The following DUSP22 variants were observed in gnomAD, a reference collection of about 807,000 sequenced individuals.
DUSP22 encodes dual specificity phosphatase 22, also known as dual specificity protein phosphatase 22.
DUSP22 carries 24 observed loss-of-function variants against 24.5 expected under a neutral mutation model. That is an observed-to-expected ratio of 0.98 (90% CI 0.71 to 1.38). DUSP22 has a LOEUF of 1.38. Ranked by LOEUF, DUSP22 falls within the 40% of genes most tolerant of loss-of-function variation. The probability of loss-of-function intolerance (pLI) is 0.00; values close to 1 mark genes in which losing one functional copy is unlikely to be tolerated. For missense variants in DUSP22, 330 were observed against 269.2 expected (o/e 1.23, Z -1.58); for synonymous variants, 160 against 106.4 (o/e 1.50, Z -3.10).
chr6:340,042 G>A (rs959663229), intron 4 of DUSP22, among the ~76,000 whole-genome samples: 4 of 152,414 alleles, frequency 2.6e-5, no homozygotes, highest in Admixed American at 2.0e-4. Flanking sequence ...AAGAACTATC[G>A]TTTAGTCTTA....
Position 348,805 on chromosome 6 carries a change from C to G in DUSP22, c.472C>G (p.Pro158Ala). 6.2e-7 allele frequency: 1 copy of G among 1,614,318 alleles called. No homozygotes were observed. The highest frequency in any genetic ancestry group is 8.5e-7 in the Non-Finnish European group (1 of 1,180,060). ...QWLKEEYGES[P>A]LQDAEEAKNI... ...GCTGAAGGAAGAATATGGAGAGAGC[C>G]CTTTGCAGGATGCAGAAGAAGCCAA... The change falls in exon 7 of 7, where the codon CCT (proline) becomes GCT (alanine). Residue 158 changes from proline (P) to alanine (A), a missense_variant. By Grantham distance (27) the Pro-to-Ala change is conservative. Coordinates refer to ENST00000419235, the MANE Select transcript of DUSP22 (RefSeq NM_001286555.3).
At chr6:331,459 C>CT (rs568957060) in intron 3 of DUSP22, among the ~76,000 whole-genome samples, 569 of 152,176 alleles carry the variant, frequency 3.7e-3, no homozygotes, top group Non-Finnish European at 6.2e-3. Context: ...GTTTGTTATA[C>CT]TTTCCATAAT....
intron 3 of DUSP22, among the ~76,000 whole-genome samples, chr6:332,336 C>G (rs1258483041): frequency 6.6e-6 from 1 of 152,306 alleles, no homozygotes; most frequent in Non-Finnish European, 1.5e-5. Context: ...TCCACACGCC[C>G]ACCCCAGCGA....
chr6:334,806 G>T (rs1328740531), intron 3 of DUSP22, among the ~76,000 whole-genome samples: 1 of 152,298 alleles, frequency 6.6e-6, no homozygotes, highest in African/African-American at 2.4e-5. Context: ...TGAGATGCTG[G>T]TTTTGAAAGT....
intron 5 of DUSP22, 38 bp downstream of exon 5, chr6:345,966 T>C: frequency 6.2e-7 from 1 of 1,610,204 alleles, no homozygotes; most frequent in Non-Finnish European, 8.5e-7. Context: ...CTTAGCGTAT[T>C]CTGGTCGGCT....
intron 3 of DUSP22, among the ~76,000 whole-genome samples, chr6:312,437 C>T (rs1758153394): frequency 6.6e-6 from 1 of 151,958 alleles, no homozygotes; most frequent in Non-Finnish European, 1.5e-5. Context: ...TGTGGAGACT[C>T]TCGGTGTAGA....
intron 3 of DUSP22, among the ~76,000 whole-genome samples, chr6:317,726 C>T (rs1200521411): frequency 6.6e-6 from 1 of 152,302 alleles, no homozygotes; most frequent in African/African-American, 2.4e-5. Context: ...ACACAGGCAG[C>T]TGCCGTGCTG....
rs2127425030 is a variant in DUSP22, at chr6:349,598, G to C, written c.*647G>C. 1 of 987,854 alleles carries C rather than the reference G, an allele frequency of 1.0e-6. No individual in the cohort carries two copies. Among genetic ancestry groups the C allele is most frequent in the Non-Finnish European group, 1.2e-6 (1 of 831,832 alleles). The allele number at this position is 987,854 out of a possible 1,614,324, so 61.2% of individuals were successfully genotyped here. On this transcript the variant is annotated 3_prime_UTR_variant, in exon 7 of 7. Coordinates refer to ENST00000419235, the MANE Select transcript of DUSP22 (RefSeq NM_001286555.3). ...GGGCAACAGGGGCCAGACTCCTCTA[G>C]AGGGAGGGTGGCTCTGGGGCCCTGG...
intron 3 of DUSP22, among the ~76,000 whole-genome samples, chr6:333,266 A>G (rs550227823): frequency 6.6e-6 from 1 of 152,422 alleles, no homozygotes; most frequent in Admixed American, 6.5e-5. Flanking sequence ...CTCTTCCACC[A>G]GCAGATTCTA....
chr6:329,952 TGTG>T (rs1461502841), intron 3 of DUSP22, among the ~76,000 whole-genome samples: 1 of 152,276 alleles, frequency 6.6e-6, no homozygotes, highest in African/African-American at 2.4e-5. Context: ...CTTCTGGGAA[TGTG>T]GTGAAAGTCG....
chr6:314,527 A>G (rs1758256652), intron 3 of DUSP22, among the ~76,000 whole-genome samples: 1 of 152,306 alleles, frequency 6.6e-6, no homozygotes, highest in African/African-American at 2.4e-5. Flanking sequence ...GGCTTTTGGA[A>G]ACTCTAGTTC....
chr6:299,580 A>T (rs1345964813), intron 1 of DUSP22, among the ~76,000 whole-genome samples: 4 of 152,306 alleles, frequency 2.6e-5, no homozygotes, highest in African/African-American at 9.6e-5. Flanking sequence ...CCTGCTTTCC[A>T]TTTCCAGTCT....
intron 1 of DUSP22, 135 bp from the exon 2 acceptor site, chr6:304,493 G>T: frequency 7.6e-7 from 1 of 1,316,928 alleles, no homozygotes; most frequent in Non-Finnish European, 1.1e-6. Flanking sequence ...GGTCACCCGC[G>T]TGTCTGTCAG....
intron 1 of DUSP22, among the ~76,000 whole-genome samples, chr6:293,249 C>T (rs1048222384): frequency 3.3e-5 from 5 of 152,406 alleles, no homozygotes; most frequent in South Asian, 2.1e-4. Context: ...TTTTGTTGCC[C>T]GCACCTCACT....
intron 3 of DUSP22, among the ~76,000 whole-genome samples, chr6:327,883 G>T (rs113233595): frequency 6.6e-6 from 1 of 152,308 alleles, no homozygotes; most frequent in African/African-American, 2.4e-5. Context: ...AGTTTGAGGA[G>T]CGAGGGGTGG....
intron 2 of DUSP22, among the ~76,000 whole-genome samples, chr6:308,866 G>A (rs528781951): frequency 6.6e-6 from 1 of 152,426 alleles, no homozygotes; most frequent in East Asian, 1.9e-4. Context: ...ATGCCAGGTG[G>A]AATGGGTGTC....
chr6:338,192 C>T (rs1759448004), intron 4 of DUSP22: 1 of 152,354 alleles, frequency 6.6e-6, no homozygotes, highest in African/African-American at 2.4e-5. Flanking sequence ...ATAAGTAAGG[C>T]TTCGACACAC....
intron 4 of DUSP22, among the ~76,000 whole-genome samples, chr6:341,402 A>G (rs1759601100): frequency 6.6e-6 from 1 of 152,300 alleles, no homozygotes; most frequent in South Asian, 2.1e-4. Flanking sequence ...GACTGTGGGT[A>G]TTTCCCACTG....
chr6:347,615 G>A (rs1320168953), intron 5 of DUSP22, among the ~76,000 whole-genome samples: 4 of 152,304 alleles, frequency 2.6e-5, no homozygotes, highest in Admixed American at 2.6e-4. Flanking sequence ...AGTAAGATTG[G>A]GTAAGGGCTT....
Sources: gnomAD v4.1 joint callset for allele counts (sites outside exome capture counted in the v4.1 genomes callset) on GRCh38, gnomAD v4.1.1 for gene constraint, MANE v1.5 for transcripts, NCBI Gene and HGNC (gene_info 2026-07-23, HGNC 2026-07-21) for gene names.